The following DYSF variants were observed in gnomAD, a reference collection of about 807,000 sequenced individuals.
DYSF encodes dysferlin, also known as dystrophy-associated fer-1-like 1.
In DYSF, 212 loss-of-function variants were observed where a neutral mutation model predicts 274.9. The ratio of observed to expected loss-of-function variants is 0.77; its 90% confidence interval spans 0.69 to 0.86. The LOEUF is 0.86. DYSF is among the 40% of genes least tolerant of loss of function. DYSF has a pLI of 0.00. For missense variants in DYSF, 2,666 were observed against 2,783.2 expected, an observed-to-expected ratio of 0.96 and a Z score of 0.95; for synonymous variants, 1,091 against 1,078.7, an observed-to-expected ratio of 1.01 and a Z score of -0.22.
At position 71,555,866 on chromosome 2, in the gene DYSF, T is replaced by C. The variant is rs1013998725; in HGVS notation, c.2110-99T>C. 484 of 936,238 alleles carry C rather than the reference T, an allele frequency of 5.2e-4. 4 individuals are homozygous for C. The highest frequency in any genetic ancestry group is 9.2e-5 in the Non-Finnish European group (54 of 588,120). 58.0% of individuals were successfully genotyped at this position (936,238 alleles called of 1,614,324 possible). A position where few individuals can be genotyped will look rare whatever the true frequency, so the allele number is the denominator to read the frequency against. On this transcript the variant is annotated intron_variant, in intron 21 of 55. Transcript: ENST00000410020. ...CTTCTTTGCTCTAACTGTTCACTCC[T>C]TTTTGGTTCAGTAGCAGTGACAAGG...
chr2:71,539,228 G>T lies in DYSF; in HGVS notation c.1565G>T (p.Gly522Val). 1 of 1,614,086 alleles carries T rather than the reference G, an allele frequency of 6.2e-7. No individual in the cohort carries two copies. The highest frequency in any genetic ancestry group is 8.5e-7 in the Non-Finnish European group (1 of 1,179,980). ...ATGTCGAAAATCTCTGCCCCTGGAGGAGAAATAGAAGGTATGTTCCCTCTT... is the reference window on the plus strand; with the variant it reads ...ATGTCGAAAATCTCTGCCCCTGGAGTAGAAATAGAAGGTATGTTCCCTCTT... Reference protein sequence around the residue: ...LSMSKISAPGGEIEVDDYLGF... With the variant: ...LSMSKISAPGVEIEVDDYLGF... The change falls in exon 17 of 56, where the codon GGA becomes GTA. Residue 522 changes from glycine (G) to valine (V), a missense_variant. Transcript: ENST00000410020.
chr2:71,682,721 A>G (rs2095311185), intron 55 of DYSF, 44 bp downstream of exon 55: 2 of 1,593,580 alleles, frequency 1.3e-6, no homozygotes, highest in African/African-American at 1.3e-5. Context: ...CTCTGGGTCT[A>G]ATGGGGGAGT....
intron 1 of DYSF, among the ~76,000 whole-genome samples, chr2:71,456,012 G>A (rs2081046883): frequency 6.6e-6 from 1 of 152,174 alleles, no homozygotes; most frequent in South Asian, 2.1e-4. Flanking sequence ...AGTGCTGCTG[G>A]TGTGGCTTTT....
rs544212035 is a variant in DYSF, at chr2:71,487,258, C to T, written c.239+5288C>T. ...AATGACTTAGATTTAATTAATTCCA[C>T]GTGGCTAGTGGCTACTGTGTTGGAC... is the stretch of plus-strand genomic sequence containing the variant. On this transcript the variant is annotated intron_variant, in intron 3 of 55. Transcript: ENST00000410020. Among the ~76,000 whole-genome samples the T allele has an allele frequency of 4.8e-4, 73 of 152,276 alleles. 1 individual carries two copies. The Middle Eastern group carries it at 0.01, about 21-fold the overall frequency.
rs796259481 is a variant in DYSF at position 71,612,552 on chromosome 2, G to A, written c.4222-89G>A. 12 of 1,569,708 alleles carry A rather than the reference G, an allele frequency of 7.6e-6. No individual in the cohort carries two copies. The African/African-American group carries it at 1.3e-4, about 18-fold the overall frequency. On this transcript the variant is annotated intron_variant, in intron 38 of 55. Transcript: ENST00000410020. Reference sequence around the variant, plus strand: ...ATTTCTGGCTGTGGGGATTATCTGCGGTTTATAGTCATTTTCTGCTCTTTG... The same window carrying A: ...ATTTCTGGCTGTGGGGATTATCTGCAGTTTATAGTCATTTTCTGCTCTTTG...
chr2:71,511,132 T>C (rs7577618), intron 4 of DYSF, among the ~76,000 whole-genome samples: 1 of 150,708 alleles, frequency 6.6e-6, no homozygotes, highest in Admixed American at 6.6e-5. Context: ...TGGGGTGGGG[T>C]GGGCGCATGG....
intron 7 of DYSF, among the ~76,000 whole-genome samples, chr2:71,515,384 G>A (rs2086547821): frequency 6.6e-6 from 1 of 152,188 alleles, no homozygotes; most frequent in South Asian, 2.1e-4. Context: ...TTTAATGTGG[G>A]TAGCCGACGA....
chr2:71,662,543 G>A (rs2094904722), intron 45 of DYSF, among the ~76,000 whole-genome samples: 2 of 151,478 alleles, frequency 1.3e-5, no homozygotes, highest in South Asian at 4.2e-4. Context: ...TGTCTGTGTG[G>A]TGTGTGTATA....
At chr2:71,532,956 A>G (rs1477179017) in intron 14 of DYSF, among the ~76,000 whole-genome samples, 2 of 152,044 alleles carry the variant, frequency 1.3e-5, no homozygotes, top group Non-Finnish European at 2.9e-5. Flanking sequence ...AAACCACTGC[A>G]ATTAGTTTCT....
At chr2:71,542,798 G>T (rs2090043852) in intron 17 of DYSF, among the ~76,000 whole-genome samples, 1 of 152,222 alleles carries the variant, frequency 6.6e-6, no homozygotes. Flanking sequence ...GCAACAATCT[G>T]ATTTCTCCAT....
At chr2:71,631,513 G>A (rs562222299) in intron 41 of DYSF, among the ~76,000 whole-genome samples, 6 of 152,254 alleles carry the variant, frequency 3.9e-5, no homozygotes, top group Admixed American at 1.3e-4. Flanking sequence ...TTTGATGCCC[G>A]TCACTGGTGT....
In DYSF at chr2:71,526,152, T is replaced by C. The variant is rs1573742776; in HGVS notation, c.1150-68T>C. 5.6e-6 allele frequency: 9 copies of C among 1,613,588 alleles called. No homozygotes were observed. In the East Asian group the frequency reaches 2.0e-4, roughly 36 times the overall value. The stretch of plus-strand genomic sequence containing the variant: ...CATTTATGTGGCGAAGCTGGAACTC[T>C]TAGAAAAGGAAAGTAAAACCCTGTG... On this transcript the variant is annotated intron_variant, in intron 12 of 55. Transcript: ENST00000410020.
chr2:71,570,002 G>A, intron 27 of DYSF, 68 bp downstream of exon 27: 1 of 1,387,652 alleles, frequency 7.2e-7, no homozygotes. Flanking sequence ...GGTGCTCAGG[G>A]ACAGGTGGGG....
At chr2:71,658,768 C>T (rs2094824172) in intron 43 of DYSF, 110 bp from the exon 44 acceptor site, 15 of 1,374,764 alleles carry the variant, frequency 1.1e-5, no homozygotes, top group Non-Finnish European at 1.4e-5. Context: ...CCTCCCACAA[C>T]ATGTGGGAAT....
chr2:71,545,131 C>A (rs2090363295), intron 17 of DYSF, among the ~76,000 whole-genome samples: 1 of 152,006 alleles, frequency 6.6e-6, no homozygotes, highest in Non-Finnish European at 1.5e-5. Flanking sequence ...GAGGGGAAGC[C>A]ACCGGCACGT....
chr2:71,539,116 TC>T, intron 16 of DYSF, 40 bp from the exon 17 acceptor site: 2 of 1,583,058 alleles, frequency 1.3e-6, no homozygotes, highest in Non-Finnish European at 8.7e-7. Context: ...GGCCTGCAGT[TC>T]CTTTCCTGTG....
At chr2:71,476,174 A>G (rs2082377591) in intron 1 of DYSF, among the ~76,000 whole-genome samples, 1 of 152,208 alleles carries the variant, frequency 6.6e-6, no homozygotes. Flanking sequence ...CTAAGAGGCT[A>G]TCTGCCTTTT....
At chr2:71,535,168 C>A in intron 15 of DYSF, 79 bp downstream of exon 15, 1 of 1,601,678 alleles carries the variant, frequency 6.2e-7, no homozygotes, top group South Asian at 1.1e-5. Context: ...CCTGCCTCCC[C>A]AGCATCCTGC....
chr2:71,641,178 A>ATTTTTTTTTTTT lies in DYSF; in HGVS notation c.4528-2780_4528-2769dup, dbSNP rs10683765. Among the ~76,000 whole-genome samples, 6 of 124,504 alleles carry ATTTTTTTTTTTT rather than the reference A, an allele frequency of 4.8e-5. 1 individual carries two copies. Among genetic ancestry groups the ATTTTTTTTTTTT allele is most frequent in the African/African-American group, 1.3e-4 (4 of 31,350 alleles). 81.7% of individuals were successfully genotyped at this position (124,504 alleles called of 152,430 possible). A position where few individuals can be genotyped will look rare whatever the true frequency, so the allele number is the denominator to read the frequency against. On this transcript the variant is annotated intron_variant, in intron 41 of 55. Transcript: ENST00000410020. ...AATTAGATTTGATAAATGTTTATCTATTTTTTTTTTTTTTTTTTGAGACGG... is the reference window on the plus strand; with the variant it reads ...AATTAGATTTGATAAATGTTTATCTATTTTTTTTTTTTTTTTTTTTTTTTTTTTTTGAGACGG...
Sources: gnomAD v4.1 joint callset for allele counts (sites outside exome capture counted in the v4.1 genomes callset) on GRCh38, gnomAD v4.1.1 for gene constraint, MANE v1.5 for transcripts, NCBI Gene and HGNC (gene_info 2026-07-23, HGNC 2026-07-21) for gene names.